Variants in TSHZ2 observed in about 807,000 individuals in gnomAD.
TSHZ2 encodes teashirt zinc finger homeobox 2, also known as teashirt homolog 2.
TSHZ2 carries 21 observed loss-of-function variants against 74.4 expected under a neutral mutation model. That is an observed-to-expected ratio of 0.28 (90% confidence interval 0.20 to 0.41). The LOEUF is 0.41. Among genes scored for constraint, TSHZ2 ranks in the 10% least tolerant of loss-of-function variants. TSHZ2 has a pLI of 1.00. For synonymous variants in TSHZ2, 540 were observed against 515.3 expected (o/e 1.05, Z -0.65); for missense variants, 1,244 against 1,293.5 (o/e 0.96, Z 0.59).
rs549025311 is a variant in TSHZ2 at position 53,194,644 on chromosome 20, G to A, written c.41-58855G>A. On this transcript the variant is annotated intron_variant, in intron 1 of 2. Coordinates refer to ENST00000371497, the MANE Select transcript of TSHZ2 (RefSeq NM_173485.6). ...ACTTTGTAAGATGGCAGTTGAGGGG[G>A]CTTGGGCAATTGATAGGGACTCATT... Among the ~76,000 whole-genome samples the A allele has an allele frequency of 1.1e-3, 173 of 152,320 alleles. 1 individual carries two copies. The highest frequency in any genetic ancestry group is 3.4e-3 in the Middle Eastern group (1 of 294).
At chr20:52,975,627 T>G (rs769152367) in intron 1 of TSHZ2, among the ~76,000 whole-genome samples, 71 of 152,138 alleles carry the variant, frequency 4.7e-4, no homozygotes, top group Non-Finnish European at 9.1e-4. Context: ...TCTTATTATT[T>G]TCACCAGAAG....
intron 1 of TSHZ2, among the ~76,000 whole-genome samples, chr20:52,986,060 G>C (rs551699664): frequency 6.6e-6 from 1 of 152,234 alleles, no homozygotes; most frequent in South Asian, 2.1e-4. Context: ...GCAGACCTCA[G>C]ATTCAGAGAC....
chr20:53,382,810 G>C lies in TSHZ2; in HGVS notation c.*9-104334G>C, dbSNP rs1240688347. The stretch of plus-strand genomic sequence containing the variant: ...ACCAAAGAGACAACCTGGTGTGTGG[G>C]GAAGGACAGAGTCCTGTGGCTTGGG... On this transcript the variant is annotated intron_variant, in intron 2 of 2. Coordinates refer to ENST00000371497, the MANE Select transcript of TSHZ2 (RefSeq NM_173485.6). 4.6e-4 allele frequency among the ~76,000 whole-genome samples: 70 copies of C among 152,194 alleles called. 1 individual carries two copies. Among genetic ancestry groups the C allele is most frequent in the Admixed American group, 4.5e-3 (69 of 15,274 alleles).
rs1211249275 is a variant in TSHZ2 at position 53,488,683 on chromosome 20, C to A, written c.*1548C>A. The A allele has an allele frequency of 7.3e-6, 2 of 273,914 alleles. No individual in the cohort carries two copies. The highest frequency in any genetic ancestry group is 2.3e-5 in the African/African-American group (1 of 44,000). The allele number at this position is 273,914 out of a possible 1,614,324, so 17.0% of individuals were successfully genotyped here. ...GATTCTGAAACAAAAGGAATATTTT[C>A]TGTTGTTGCTTTAATTACCAAGGTT... On this transcript the variant is annotated 3_prime_UTR_variant, in exon 3 of 3. Transcript: ENST00000371497.
rs746364354 is a variant in TSHZ2 at position 53,255,912 on chromosome 20, C to A, written c.2454C>A (p.Pro818=). Reference sequence around the variant, plus strand: ...CAGCCTCCTCCTCCAGGGTCCCCCCCATGAAGCTGGAAATGGATGTCAGGC... The same window carrying A: ...CAGCCTCCTCCTCCAGGGTCCCCCCAATGAAGCTGGAAATGGATGTCAGGC... ...PKPASSSRVP[P]MKLEMDVRRF... Residue 818 remains proline (P), a synonymous_variant, in exon 2 of 3, where the codon CCC becomes CCA. Transcript: ENST00000371497. This position sits in a 1 kb window ranked among gnomAD's most constrained non-coding sequence, Gnocchi z 4.1. The A allele has an allele frequency of 4.3e-6, 7 of 1,614,038 alleles. No individual in the cohort carries two copies. The highest frequency in any genetic ancestry group is 2.7e-5 in the African/African-American group (2 of 74,920).
intron 1 of TSHZ2, among the ~76,000 whole-genome samples, chr20:53,076,114 G>A (rs1224881241): frequency 6.6e-6 from 1 of 152,148 alleles, no homozygotes; most frequent in African/African-American, 2.4e-5. Flanking sequence ...CTGAGCAAAG[G>A]AATAACACAA....
intron 1 of TSHZ2, among the ~76,000 whole-genome samples, chr20:52,988,925 G>C (rs776883647): frequency 4.1e-4 from 62 of 152,046 alleles, no homozygotes; most frequent in African/African-American, 1.3e-3. Flanking sequence ...AATATGGAAC[G>C]CATGCAACGA....
At chr20:53,246,050 T>G (rs1442567090) in intron 1 of TSHZ2, among the ~76,000 whole-genome samples, 12 of 150,046 alleles carry the variant, frequency 8.0e-5, no homozygotes, top group Middle Eastern at 3.2e-3. Flanking sequence ...CTTTTTTTTT[T>G]TTTGTTTGAG....
chr20:53,443,050 C>A (rs1984401054), intron 2 of TSHZ2, among the ~76,000 whole-genome samples: 1 of 152,168 alleles, frequency 6.6e-6, no homozygotes, highest in Non-Finnish European at 1.5e-5. Flanking sequence ...CAAGACACAA[C>A]CATTTGCAAA....
At position 53,019,248 on chromosome 20, in the gene TSHZ2, G is replaced by GTT. The variant is rs11476165; in HGVS notation, c.40+45927_40+45928dup. Among the ~76,000 whole-genome samples the GTT allele has an allele frequency of 4.0e-3, 596 of 148,254 alleles. 6 individuals are homozygous for GTT. Among genetic ancestry groups the GTT allele is most frequent in the Admixed American group, 0.017 (250 of 14,916 alleles). ...AAATAGACAAGTGTTAGTTGCCTGG[G>GTT]TTTTTTTTTTTTTCTTTTAAAGGAG... On this transcript the variant is annotated intron_variant, in intron 1 of 2. Transcript: ENST00000371497.
chr20:53,039,997 T>A (rs1217445248), intron 1 of TSHZ2, among the ~76,000 whole-genome samples: 28 of 151,724 alleles, frequency 1.8e-4, no homozygotes, highest in Admixed American at 1.8e-3. Context: ...CCCCAGCCAC[T>A]CGGGAGGTTG....
chr20:53,003,199 C>T (rs895033773), intron 1 of TSHZ2, among the ~76,000 whole-genome samples: 6 of 150,970 alleles, frequency 4.0e-5, no homozygotes, highest in Non-Finnish European at 5.9e-5. Context: ...AAACATCCTG[C>T]CTGTCTACCT....
intron 1 of TSHZ2, among the ~76,000 whole-genome samples, chr20:53,160,745 C>CAAAAAAAAAAAAAAAAA (rs10653039): frequency 3.5e-4 from 34 of 95,816 alleles, no homozygotes; most frequent in African/African-American, 1.4e-3. Flanking sequence ...ACTCTGTCTC[C>CAAAAAAAAAAAAAAAAA]AAAAAAAAAA....
intron 1 of TSHZ2, among the ~76,000 whole-genome samples, chr20:53,161,186 G>A (rs1453392427): frequency 6.8e-6 from 1 of 146,560 alleles, no homozygotes; most frequent in Non-Finnish European, 1.5e-5. Flanking sequence ...TGATGGAGTG[G>A]TATTTGACTT....
intron 2 of TSHZ2, among the ~76,000 whole-genome samples, chr20:53,417,223 C>T (rs1457815467): frequency 1.4e-5 from 2 of 141,786 alleles, no homozygotes; most frequent in Middle Eastern, 3.5e-3. Flanking sequence ...TATCTATATA[C>T]AGACACAGAC....
intron 1 of TSHZ2, among the ~76,000 whole-genome samples, chr20:53,031,727 T>C (rs554096994): frequency 1.6e-3 from 249 of 152,286 alleles, no homozygotes; most frequent in Non-Finnish European, 2.9e-3. Context: ...CCTGATATGG[T>C]ATAGATTTTT....
chr20:53,036,880 A>G (rs543190274), intron 1 of TSHZ2, among the ~76,000 whole-genome samples: 1 of 151,322 alleles, frequency 6.6e-6, no homozygotes, highest in Non-Finnish European at 1.5e-5. Flanking sequence ...TAATGGAATC[A>G]TATTGCTTAT....
At chr20:53,430,605 G>A (rs1306132286) in intron 2 of TSHZ2, among the ~76,000 whole-genome samples, 1 of 151,764 alleles carries the variant, frequency 6.6e-6, no homozygotes, top group Non-Finnish European at 1.5e-5. Flanking sequence ...CGAGGTGGGA[G>A]GCTCACTTGA....
At chr20:53,250,269 A>G (rs1444439265) in intron 1 of TSHZ2, among the ~76,000 whole-genome samples, 1 of 152,194 alleles carries the variant, frequency 6.6e-6, no homozygotes, top group Non-Finnish European at 1.5e-5. Flanking sequence ...ATAAGTATTC[A>G]TAAGAGTAAA....
Sources: allele counts gnomAD v4.1 joint callset (sites outside exome capture counted in the v4.1 genomes callset), GRCh38; gene constraint gnomAD v4.1.1; non-coding constraint Gnocchi (gnomAD v3.1); transcripts MANE v1.5; gene names NCBI Gene and HGNC (gene_info 2026-07-23, HGNC 2026-07-21).